GALNT16: variants seen among roughly 807,000 people sequenced by gnomAD.
The protein encoded by GALNT16 is polypeptide N-acetylgalactosaminyltransferase 16.
A neutral mutation model predicts 76.1 loss-of-function variants in GALNT16; 40 were observed. The ratio of observed to expected loss-of-function variants is 0.53; its 90% CI spans 0.41 to 0.68. GALNT16 has a LOEUF of 0.68. GALNT16 is among the 30% of genes least tolerant of loss of function. The pLI, the probability that GALNT16 is intolerant of heterozygous loss-of-function variation, is 0.00. For synonymous variants in GALNT16, 276 were observed against 285.2 expected (o/e 0.97, Z 0.32); for missense variants, 621 against 731.9 (o/e 0.85, Z 1.75).
rs754353804 is a variant in GALNT16, at chr14:69,294,582, G to C, written c.178-26129G>C. Among the ~76,000 whole-genome samples the C allele has an allele frequency of 5.1e-4, 77 of 152,014 alleles. 1 individual carries two copies. The highest frequency in any genetic ancestry group is 3.2e-3 in the Middle Eastern group (1 of 316). On this transcript the variant is annotated intron_variant, in intron 1 of 14. Transcript: ENST00000448469. Reference sequence around the variant, plus strand: ...GTTTCTGTTATCCCAAAAGGATCCCGCATGCCCACATACAGTCACTTCCCC... The same window carrying C: ...GTTTCTGTTATCCCAAAAGGATCCCCCATGCCCACATACAGTCACTTCCCC...
chr14:69,265,793 C>T (rs906222379), intron 1 of GALNT16, among the ~76,000 whole-genome samples: 1 of 152,192 alleles, frequency 6.6e-6, no homozygotes, highest in Non-Finnish European at 1.5e-5. Context: ...GGTACAGTCA[C>T]CGACTGTGTG....
chr14:69,374,027 C>T, the GALNT16 span, among the ~76,000 whole-genome samples: 3 of 152,184 alleles, frequency 2.0e-5, no homozygotes, highest in African/African-American at 2.4e-5. Flanking sequence ...GTGATCTGCC[C>T]GCCTCAGCCT....
At chr14:69,309,003 A>AT (rs1299198294) in intron 1 of GALNT16, among the ~76,000 whole-genome samples, 2 of 152,126 alleles carry the variant, frequency 1.3e-5, no homozygotes, top group Non-Finnish European at 1.5e-5. Context: ...GTTTTCTGTA[A>AT]TTTTTTATTA....
intron 1 of GALNT16, among the ~76,000 whole-genome samples, chr14:69,283,745 C>G (rs1484451744): frequency 6.6e-6 from 1 of 152,192 alleles, no homozygotes; most frequent in Non-Finnish European, 1.5e-5. Context: ...CTAAGTGGTG[C>G]TGTTAGAATG....
At chr14:69,341,818 G>A in intron 12 of GALNT16, 54 bp downstream of exon 12, 2 of 1,244,560 alleles carry the variant, frequency 1.6e-6, no homozygotes, top group Non-Finnish European at 2.3e-6. Flanking sequence ...GGTGGTTGGG[G>A]CCAGCGGCTT....
chr14:69,267,660 G>C (rs1594808266), intron 1 of GALNT16, among the ~76,000 whole-genome samples: 3 of 152,304 alleles, frequency 2.0e-5, no homozygotes, highest in Admixed American at 2.0e-4. Flanking sequence ...GATGTTGGCT[G>C]TCAGCAGGGG....
intron 1 of GALNT16, among the ~76,000 whole-genome samples, chr14:69,271,345 C>T (rs1359339730): frequency 1.3e-5 from 2 of 152,150 alleles, no homozygotes; most frequent in Non-Finnish European, 2.9e-5. Context: ...AGAAGGCCAG[C>T]GCTGGGGCAA....
rs780723350 is a variant in GALNT16, at chr14:69,260,296, G to A, written c.6G>A (p.Arg2=). The A allele has an allele frequency of 3.1e-6, 5 of 1,612,666 alleles. No individual in the cohort carries two copies. The South Asian group carries it at 5.5e-5, about 18-fold the overall frequency. ...GGGGCGCCCGTCTGCCCACCATGAG[G>A]AAGATCCGCGCCAATGCCATCGCCA... M[R]KIRANAIAIL... is the part of the protein sequence containing the mutation. The change falls in exon 1 of 15, where the codon AGG becomes AGA. Residue 2 remains arginine, a synonymous_variant. Coordinates refer to ENST00000448469, the MANE Select transcript of GALNT16 (RefSeq NM_001168368.2).
Position 69,352,481 on chromosome 14 carries a change from G to A in GALNT16, c.*313G>A, listed in dbSNP as rs527710642. On this transcript the variant is annotated 3_prime_UTR_variant, in exon 15 of 15. Transcript: ENST00000448469. ...TCTCCCTTGGCGCTTCTTGGGGCTGGGACAATAGTGTGTGGTCTCTCCCTT... is the reference window on the plus strand; with the variant it reads ...TCTCCCTTGGCGCTTCTTGGGGCTGAGACAATAGTGTGTGGTCTCTCCCTT... The A allele has an allele frequency of 4.4e-4, 122 of 280,368 alleles. No individual in the cohort carries two copies. The highest frequency in any genetic ancestry group is 2.4e-3 in the African/African-American group (111 of 45,858). 17.4% of individuals were successfully genotyped at this position (280,368 alleles called of 1,614,324 possible). A position where few individuals can be genotyped will look rare whatever the true frequency, so the allele number is the denominator to read the frequency against.
At chr14:69,279,430 A>G (rs1324609064) in intron 1 of GALNT16, among the ~76,000 whole-genome samples, 1 of 152,218 alleles carries the variant, frequency 6.6e-6, no homozygotes, top group Non-Finnish European at 1.5e-5. Flanking sequence ...TGTTAAGATG[A>G]GACAATCTTT....
At position 69,261,852 on chromosome 14, in the gene GALNT16, C is replaced by T. The variant is rs1021819715; in HGVS notation, c.177+1385C>T. On this transcript the variant is annotated intron_variant, in intron 1 of 14. Transcript: ENST00000448469. The surrounding 1 kb of genome is among the most constrained non-coding windows in gnomAD (Gnocchi z 6.4). ...TGTCCTAGATACCAGTCTGGGTGAA[C>T]TCTCTGGGGGCAAGCCTGATTAGGT... Among the ~76,000 whole-genome samples the T allele has an allele frequency of 3.9e-5, 6 of 152,156 alleles. No individual in the cohort carries two copies. Among genetic ancestry groups the T allele is most frequent in the African/African-American group, 1.2e-4 (5 of 41,440 alleles).
chr14:69,296,347 G>C (rs1380390142), intron 1 of GALNT16, among the ~76,000 whole-genome samples: 1 of 152,152 alleles, frequency 6.6e-6, no homozygotes, highest in African/African-American at 2.4e-5. Flanking sequence ...TTCAACATGA[G>C]ATTTGGGTGG....
intron 1 of GALNT16, among the ~76,000 whole-genome samples, chr14:69,315,281 T>C (rs2045084089): frequency 1.3e-5 from 2 of 152,234 alleles, no homozygotes; most frequent in Admixed American, 1.3e-4. Context: ...AAGTCATTAT[T>C]TCAACTTAAA....
In GALNT16 at chr14:69,333,446, C is replaced by A; in HGVS notation, c.864-51C>A. The stretch of plus-strand genomic sequence containing the variant: ...TGGGTCCTGGGGCCATCTAAAGGGC[C>A]TCCTTGCTTCTCCAGCTCACGTGTT... On this transcript the variant is annotated intron_variant, in intron 8 of 14. Coordinates refer to ENST00000448469, the MANE Select transcript of GALNT16 (RefSeq NM_001168368.2). The surrounding 1 kb of genome is among the most constrained non-coding windows in gnomAD (Gnocchi z 4.2). 1 of 1,132,940 alleles carries A rather than the reference C, an allele frequency of 8.8e-7. No individual in the cohort carries two copies. Among genetic ancestry groups the A allele is most frequent in the Non-Finnish European group, 1.3e-6 (1 of 743,262 alleles). The allele number at this position is 1,132,940 out of a possible 1,614,324, so 70.2% of individuals were successfully genotyped here. A position where few individuals can be genotyped will look rare whatever the true frequency, so the allele number is the denominator to read the frequency against.
chr14:69,296,168 G>A (rs2044757013), intron 1 of GALNT16, among the ~76,000 whole-genome samples: 1 of 152,162 alleles, frequency 6.6e-6, no homozygotes, highest in Non-Finnish European at 1.5e-5. Flanking sequence ...AGTGTAGGAG[G>A]AAGAGAGGAG....
At chr14:69,339,719 C>A in intron 11 of GALNT16, 100 bp downstream of exon 11, 1 of 689,726 alleles carries the variant, frequency 1.4e-6, no homozygotes, top group South Asian at 1.9e-5. Flanking sequence ...CACCCGCCAC[C>A]TCCCCAGCCA....
At chr14:69,289,685 A>ACT (rs2044664053) in intron 1 of GALNT16, among the ~76,000 whole-genome samples, 1 of 152,162 alleles carries the variant, frequency 6.6e-6, no homozygotes, top group Admixed American at 6.5e-5. Flanking sequence ...GGAAATGGAT[A>ACT]CTAGGCTTCC....
intron 1 of GALNT16, among the ~76,000 whole-genome samples, chr14:69,264,815 C>CTTTT (rs1436985515): frequency 2.2e-5 from 1 of 44,960 alleles, no homozygotes; most frequent in Non-Finnish European, 3.5e-5. Context: ...TTTTCTTTTT[C>CTTTT]TTTCTTTTTT....
intron 1 of GALNT16, among the ~76,000 whole-genome samples, chr14:69,281,706 A>C (rs2044544279): frequency 6.6e-6 from 1 of 152,140 alleles, no homozygotes; most frequent in Admixed American, 6.5e-5. Context: ...TGGCTTGTTA[A>C]AGAACTCTGA....
Sources: gnomAD v4.1 joint callset for allele counts (sites outside exome capture counted in the v4.1 genomes callset) on GRCh38, gnomAD v4.1.1 for gene constraint, Gnocchi (gnomAD v3.1) non-coding constraint, MANE v1.5 for transcripts, NCBI Gene and HGNC (gene_info 2026-07-23, HGNC 2026-07-21) for gene names.